Variants in FNIP1 observed in about 807,000 individuals in gnomAD.
FNIP1 encodes the protein folliculin interacting protein 1.
FNIP1 carries 40 observed loss-of-function variants against 124.5 expected under a neutral mutation model. The observed-to-expected ratio is 0.32, with a 90% CI of 0.25 to 0.42. FNIP1 has a LOEUF of 0.42. FNIP1 is among the 10% of genes least tolerant of loss of function. The pLI is 1.00. For synonymous variants in FNIP1, 472 were observed against 470.6 expected (o/e 1.00, Z -0.04); for missense variants, 1,176 against 1,403.7 (o/e 0.84, Z 2.59).
chr5:131,665,909 T>G (rs951520198), intron 15 of FNIP1, among the ~76,000 whole-genome samples: 3 of 148,164 alleles, frequency 2.0e-5, no homozygotes, highest in African/African-American at 7.4e-5. Flanking sequence ...CTTTTTTTTT[T>G]TTTTTTTTTT....
At chr5:131,748,912 G>GGA (rs1468573638) in intron 1 of FNIP1, among the ~76,000 whole-genome samples, 1 of 152,044 alleles carries the variant, frequency 6.6e-6, no homozygotes, top group Non-Finnish European at 1.5e-5. Context: ...CCTTACAGTG[G>GGA]GACAAGATGT....
At chr5:131,759,931 T>C (rs1771169781) in intron 1 of FNIP1, among the ~76,000 whole-genome samples, 1 of 152,202 alleles carries the variant, frequency 6.6e-6, no homozygotes, top group Non-Finnish European at 1.5e-5. Flanking sequence ...AATCATGTCC[T>C]TTGCAGCAAC....
chr5:131,714,652 C>T (rs139676017), intron 6 of FNIP1, among the ~76,000 whole-genome samples: 191 of 152,310 alleles, frequency 1.3e-3, no homozygotes, highest in African/African-American at 4.3e-3. Flanking sequence ...GGTCTGTGTA[C>T]GTACCACTGC....
intron 1 of FNIP1, among the ~76,000 whole-genome samples, chr5:131,793,912 G>C (rs999985866): frequency 6.6e-6 from 1 of 152,032 alleles, no homozygotes; most frequent in African/African-American, 2.4e-5. Flanking sequence ...AAAACAAAAT[G>C]TTAGTCTACT....
chr5:131,784,020 A>G (rs1483711898), intron 1 of FNIP1, among the ~76,000 whole-genome samples: 2 of 151,682 alleles, frequency 1.3e-5, no homozygotes, highest in East Asian at 3.9e-4. Flanking sequence ...AAAAAAAAAA[A>G]AGAAGGAAAA....
intron 1 of FNIP1, among the ~76,000 whole-genome samples, chr5:131,748,448 C>T (rs965049892): frequency 2.0e-5 from 3 of 152,042 alleles, no homozygotes; most frequent in African/African-American, 7.2e-5. Flanking sequence ...AATCCCAGCA[C>T]TTTGGGAGGC....
intron 16 of FNIP1, among the ~76,000 whole-genome samples, chr5:131,650,229 A>ATCT (rs1206657637): frequency 2.6e-5 from 4 of 152,182 alleles, no homozygotes; most frequent in Non-Finnish European, 5.9e-5. Flanking sequence ...TCCTAATAAT[A>ATCT]TTAAGTCTTT....
intron 1 of FNIP1, among the ~76,000 whole-genome samples, chr5:131,760,995 C>A (rs1771212779): frequency 6.6e-6 from 1 of 152,106 alleles, no homozygotes; most frequent in Non-Finnish European, 1.5e-5. Flanking sequence ...AGCAACATGC[C>A]AATAACTGGC....
intron 11 of FNIP1, among the ~76,000 whole-genome samples, chr5:131,684,902 C>T (rs1768219672): frequency 1.3e-5 from 2 of 152,106 alleles, no homozygotes; most frequent in Non-Finnish European, 2.9e-5. Context: ...GATTCACTGC[C>T]TTATACTAAT....
intron 16 of FNIP1, among the ~76,000 whole-genome samples, chr5:131,649,113 T>C (rs909893175): frequency 3.9e-5 from 6 of 152,230 alleles, no homozygotes; most frequent in Non-Finnish European, 8.8e-5. Flanking sequence ...ATAATGTTTC[T>C]ATGAACAAGA....
chr5:131,705,464 GAAAGA>G (rs962341498), intron 9 of FNIP1, among the ~76,000 whole-genome samples: 1 of 151,726 alleles, frequency 6.6e-6, no homozygotes, highest in Admixed American at 6.6e-5. Flanking sequence ...ACTCAAAAGG[GAAAGA>G]AAAGAAAAGA....
At chr5:131,699,054 C>A (rs766868568) in intron 10 of FNIP1, 52 bp from the exon 11 acceptor site, 4 of 1,486,220 alleles carry the variant, frequency 2.7e-6, no homozygotes, top group South Asian at 1.2e-5. Context: ...ATGAGCAAAA[C>A]ATGGAAAAAA....
intron 15 of FNIP1, among the ~76,000 whole-genome samples, chr5:131,659,724 C>T (rs777966212): frequency 3.3e-5 from 5 of 152,124 alleles, no homozygotes; most frequent in Non-Finnish European, 5.9e-5. Flanking sequence ...GCCATATACA[C>T]GGCTGGGGTG....
chr5:131,787,251 A>C (rs751367653), intron 1 of FNIP1, among the ~76,000 whole-genome samples: 26 of 152,314 alleles, frequency 1.7e-4, no homozygotes, highest in Non-Finnish European at 2.2e-4. Flanking sequence ...TGGAGTACAG[A>C]GTCTTGTCTC....
chr5:131,780,551 T>C (rs557295705), intron 1 of FNIP1, among the ~76,000 whole-genome samples: 4 of 152,212 alleles, frequency 2.6e-5, no homozygotes, highest in Admixed American at 1.3e-4. Flanking sequence ...CAACAGAACA[T>C]GCCACTTTTT....
chr5:131,644,627 G>A lies in FNIP1; in HGVS notation c.*58C>T. The A allele has an allele frequency of 7.0e-7, 1 of 1,434,510 alleles. No homozygotes were observed. Among genetic ancestry groups the A allele is most frequent in the Non-Finnish European group, 9.8e-7 (1 of 1,019,254 alleles). The allele number at this position is 1,434,510 out of a possible 1,614,324, so 88.9% of individuals were successfully genotyped here. ...AAGAATCTCCATAAATGCATGTTGT[G>A]TCTGCTTCCTTGGTTTCTACCTATT... On this transcript the variant is annotated 3_prime_UTR_variant, in exon 18 of 18. Coordinates refer to ENST00000510461, the MANE Select transcript of FNIP1 (RefSeq NM_133372.3).
At chr5:131,709,135 G>A (rs1025007156) in intron 8 of FNIP1, 66 bp downstream of exon 8, 2 of 1,295,596 alleles carry the variant, frequency 1.5e-6, no homozygotes, top group African/African-American at 2.9e-5. Context: ...TAAAGGGAGG[G>A]ATAAAAAAGA....
chr5:131,710,335 C>T (rs1407875916), intron 7 of FNIP1, among the ~76,000 whole-genome samples: 1 of 152,096 alleles, frequency 6.6e-6, no homozygotes, highest in African/African-American at 2.4e-5. Flanking sequence ...ATCATTATGC[C>T]ACAAGAGAAA....
intron 1 of FNIP1, among the ~76,000 whole-genome samples, chr5:131,760,414 A>T (rs2149571519): frequency 6.6e-6 from 1 of 152,256 alleles, no homozygotes; most frequent in South Asian, 2.1e-4. Flanking sequence ...TTTCTAAGTG[A>T]TCAACTCTTT....
Sources: gnomAD v4.1 joint callset for allele counts (sites outside exome capture counted in the v4.1 genomes callset) on GRCh38, gnomAD v4.1.1 for gene constraint, MANE v1.5 for transcripts, NCBI Gene and HGNC (gene_info 2026-07-23, HGNC 2026-07-21) for gene names.